RARB: variants seen among roughly 807,000 people sequenced by gnomAD.
The protein encoded by RARB is retinoic acid receptor beta.
A neutral mutation model predicts 51.9 loss-of-function variants in RARB; 17 were observed. That is an observed-to-expected ratio of 0.33 (90% confidence interval 0.22 to 0.49). RARB has a LOEUF of 0.49. RARB is among the 20% of genes least tolerant of loss of function. The probability of loss-of-function intolerance (pLI) is 0.99; values close to 1 mark genes in which losing one functional copy is unlikely to be tolerated. For synonymous variants in RARB, 215 were observed against 195.4 expected (o/e 1.10, Z -0.84); for missense variants, 369 against 550.8 (o/e 0.67, Z 3.30).
chr3:25,046,439 G>A (rs1005815189), intron 2 of RARB, among the ~76,000 whole-genome samples: 4 of 151,956 alleles, frequency 2.6e-5, no homozygotes, highest in African/African-American at 9.7e-5. Context: ...GCTTCTATTG[G>A]GGTATAAAAA....
intron 3 of RARB, among the ~76,000 whole-genome samples, chr3:25,088,934 T>C (rs755287512): frequency 8.6e-5 from 13 of 152,042 alleles, no homozygotes; most frequent in Non-Finnish European, 1.8e-4. Flanking sequence ...TTTATCACAA[T>C]GTAGCTTGCA....
At chr3:24,864,073 T>G (rs754631163) in intron 2 of RARB, among the ~76,000 whole-genome samples, 2 of 152,234 alleles carry the variant, frequency 1.3e-5, no homozygotes, top group Non-Finnish European at 2.9e-5. Context: ...TAGACAAGTT[T>G]CACTAACTTT....
chr3:24,895,334 A>G (rs187693411), intron 2 of RARB, among the ~76,000 whole-genome samples: 1 of 152,202 alleles, frequency 6.6e-6, no homozygotes, highest in Non-Finnish European at 1.5e-5. Context: ...CTAGCTCTGA[A>G]TTAGTGACTC....
chr3:24,953,953 T>A (rs1176953744), intron 2 of RARB, among the ~76,000 whole-genome samples: 1 of 152,192 alleles, frequency 6.6e-6, no homozygotes, highest in Admixed American at 6.5e-5. Flanking sequence ...GAGCTTTGTT[T>A]GTTCTTACTT....
intron 5 of RARB, among the ~76,000 whole-genome samples, chr3:25,253,529 C>G (rs1424960563): frequency 6.6e-6 from 1 of 152,046 alleles, no homozygotes; most frequent in Non-Finnish European, 1.5e-5. Context: ...GGAGGGTCCC[C>G]AGACATAATT....
intron 2 of RARB, among the ~76,000 whole-genome samples, chr3:25,003,194 C>CAA (rs565249387): frequency 1.8e-3 from 164 of 89,504 alleles, no homozygotes; most frequent in African/African-American, 5.9e-3. Flanking sequence ...GATCATAATG[C>CAA]AAAAAAAAAA....
chr3:24,964,355 C>T (rs1274993161), intron 2 of RARB, among the ~76,000 whole-genome samples: 4 of 151,940 alleles, frequency 2.6e-5, no homozygotes, highest in African/African-American at 9.7e-5. Flanking sequence ...GAAATATCCT[C>T]TTTTTTTTCT....
At chr3:25,217,774 A>G (rs11927621) in intron 5 of RARB, among the ~76,000 whole-genome samples, 74,468 of 152,062 alleles carry the variant, frequency 0.49, 19,131 homozygotes, top group East Asian at 0.68. Context: ...TCTGCTGCAG[A>G]GTAGGCATTC....
intron 3 of RARB, among the ~76,000 whole-genome samples, chr3:25,537,912 C>G (rs1248036699): frequency 6.6e-6 from 1 of 152,158 alleles, no homozygotes; most frequent in African/African-American, 2.4e-5. Flanking sequence ...GTCAGGATAT[C>G]TAGGTCAGTT....
At chr3:25,473,867 C>A (rs1050237567) in intron 2 of RARB, among the ~76,000 whole-genome samples, 1 of 146,246 alleles carries the variant, frequency 6.8e-6, no homozygotes, top group African/African-American at 2.6e-5. Context: ...AAAGCAAGAT[C>A]TTCGGTGACC....
At chr3:25,259,046 C>T (rs1173708938) in intron 5 of RARB, 1 of 985,100 alleles carries the variant, frequency 1.0e-6, no homozygotes. Context: ...AGGCAGGAAC[C>T]AGGAATGTGA....
chr3:25,126,983 A>G (rs1699869899), intron 3 of RARB, among the ~76,000 whole-genome samples: 1 of 152,056 alleles, frequency 6.6e-6, no homozygotes, highest in Admixed American at 6.6e-5. Flanking sequence ...ATTCAATGCA[A>G]GTTCTATCAA....
chr3:25,096,687 T>C (rs954243763), intron 3 of RARB, among the ~76,000 whole-genome samples: 1 of 152,144 alleles, frequency 6.6e-6, no homozygotes, highest in Non-Finnish European at 1.5e-5. Context: ...TTAGCCACTT[T>C]TACCTGGGCT....
chr3:25,204,306 T>C (rs1701472923), intron 5 of RARB, among the ~76,000 whole-genome samples: 1 of 152,178 alleles, frequency 6.6e-6, no homozygotes, highest in Non-Finnish European at 1.5e-5. Context: ...CTGCATTGAT[T>C]GTTCTAGTTA....
intron 5 of RARB, among the ~76,000 whole-genome samples, chr3:25,183,748 A>G (rs1575202835): frequency 1.3e-5 from 2 of 152,192 alleles, no homozygotes; most frequent in South Asian, 2.1e-4. Context: ...TCTAGTGTCC[A>G]GAATTCTTGG....
intron 5 of RARB, among the ~76,000 whole-genome samples, chr3:25,326,427 C>A (rs1559358322): frequency 1.3e-5 from 2 of 152,152 alleles, no homozygotes; most frequent in Non-Finnish European, 2.9e-5. Flanking sequence ...GACAAGATGT[C>A]CCCAGTTGTT....
intron 3 of RARB, among the ~76,000 whole-genome samples, chr3:25,125,772 A>G (rs1261598185): frequency 6.6e-6 from 1 of 152,200 alleles, no homozygotes; most frequent in Non-Finnish European, 1.5e-5. Flanking sequence ...TAAGTATTAT[A>G]GGTGTTCAAT....
chr3:24,970,388 C>A (rs1393849463), intron 2 of RARB, among the ~76,000 whole-genome samples: 1 of 151,918 alleles, frequency 6.6e-6, no homozygotes, highest in African/African-American at 2.4e-5. Flanking sequence ...TTTAAGATAA[C>A]CAGACAAGAA....
chr3:25,048,848 C>A (rs554455056), intron 2 of RARB, among the ~76,000 whole-genome samples: 1 of 151,172 alleles, frequency 6.6e-6, no homozygotes, highest in Non-Finnish European at 1.5e-5. Flanking sequence ...CTCCGCCTCC[C>A]GGGTTCTCGC....
Sources: gnomAD v4.1 joint callset for allele counts (sites outside exome capture counted in the v4.1 genomes callset) on GRCh38, gnomAD v4.1.1 for gene constraint, MANE v1.5 for transcripts, NCBI Gene and HGNC (gene_info 2026-07-23, HGNC 2026-07-21) for gene names.